MAGI1: variants seen among roughly 807,000 people sequenced by gnomAD.
The protein encoded by MAGI1 is membrane-associated guanylate kinase, WW and PDZ domain-containing protein 1.
In MAGI1, 58 loss-of-function variants were observed where a neutral mutation model predicts 139.9. The observed-to-expected ratio is 0.41, with a 90% CI of 0.34 to 0.52. The LOEUF is 0.52. MAGI1 is among the 20% of genes least tolerant of loss of function. The pLI, the probability that MAGI1 is intolerant of heterozygous loss-of-function variation, is 0.12. For synonymous variants in MAGI1, 812 were observed against 737.9 expected, an observed-to-expected ratio of 1.10 and a Z score of -1.63; for missense variants, 1,874 against 1,901.6, an observed-to-expected ratio of 0.99 and a Z score of 0.27.
chr3:65,379,161 C>A, intron 17 of MAGI1, 100 bp downstream of exon 17: 1 of 1,581,688 alleles, frequency 6.3e-7, no homozygotes, highest in Non-Finnish European at 8.6e-7. Context: ...AGCTATAAAG[C>A]ATTTCTGCAC....
chr3:65,515,187 A>T (rs2077804461), intron 2 of MAGI1, among the ~76,000 whole-genome samples: 2 of 142,528 alleles, frequency 1.4e-5, no homozygotes, highest in Non-Finnish European at 3.0e-5. Context: ...GAGGGATAGC[A>T]TTGGGAGATA....
chr3:65,997,059 T>C (rs2066487714), intron 1 of MAGI1, among the ~76,000 whole-genome samples: 1 of 152,242 alleles, frequency 6.6e-6, no homozygotes, highest in African/African-American at 2.4e-5. Flanking sequence ...TATATGGTTC[T>C]TTAGATTTTC....
At chr3:65,843,368 A>G (rs970086628) in intron 1 of MAGI1, among the ~76,000 whole-genome samples, 1 of 152,150 alleles carries the variant, frequency 6.6e-6, no homozygotes, top group African/African-American at 2.4e-5. Context: ...CTGCAGCCCA[A>G]CTGACAGTCT....
chr3:65,764,694 T>G (rs941567382), intron 1 of MAGI1, among the ~76,000 whole-genome samples: 3 of 152,194 alleles, frequency 2.0e-5, no homozygotes, highest in African/African-American at 7.2e-5. Flanking sequence ...CCTTTTTCTT[T>G]TTCTTTTTTT....
In MAGI1 at chr3:65,381,857, GGAAT is replaced by G. The variant is rs1323737599; in HGVS notation, c.2701+16_2701+19del. 4 of 1,591,946 alleles carry G rather than the reference GGAAT, an allele frequency of 2.5e-6. No homozygotes were observed. The highest frequency in any genetic ancestry group is 1.2e-5 in the South Asian group (1 of 86,588). On this transcript the variant is annotated intron_variant, in intron 16 of 22. Transcript: ENST00000402939. ...ATAAAGTGACAACGCACTGTCTGAA[GGAAT>G]GAATGAAATACATACCCGCAAAAAC... is the stretch of plus-strand genomic sequence containing the variant.
chr3:65,538,917 A>C (rs567472173), intron 2 of MAGI1, among the ~76,000 whole-genome samples: 1 of 152,196 alleles, frequency 6.6e-6, no homozygotes, highest in Admixed American at 6.5e-5. Flanking sequence ...GGCAAACAGA[A>C]ACACATACCA....
At chr3:65,645,924 A>G (rs1203329515) in intron 1 of MAGI1, among the ~76,000 whole-genome samples, 1 of 152,112 alleles carries the variant, frequency 6.6e-6, no homozygotes, top group East Asian at 1.9e-4. Context: ...CAAAAACATT[A>G]TAGATAAATC....
intron 1 of MAGI1, among the ~76,000 whole-genome samples, chr3:65,920,820 G>A (rs1255968142): frequency 6.6e-6 from 1 of 152,140 alleles, no homozygotes; most frequent in Non-Finnish European, 1.5e-5. Context: ...CACGAGGTCA[G>A]GGGTTCAAGA....
At chr3:65,558,735 C>A (rs1010698045) in intron 2 of MAGI1, among the ~76,000 whole-genome samples, 1 of 151,994 alleles carries the variant, frequency 6.6e-6, no homozygotes, top group Admixed American at 6.6e-5. Flanking sequence ...CCTGATCTAC[C>A]GAATCAGAAT....
intron 1 of MAGI1, among the ~76,000 whole-genome samples, chr3:65,994,137 G>A (rs917462358): frequency 6.6e-5 from 10 of 151,966 alleles, no homozygotes; most frequent in Non-Finnish European, 5.9e-5. Context: ...AGCCAGGCGT[G>A]GTGGTGGGTG....
At chr3:65,824,167 C>A (rs1874320) in intron 1 of MAGI1, among the ~76,000 whole-genome samples, 92,604 of 152,052 alleles carry the variant, frequency 0.61, 28,698 homozygotes, top group East Asian at 0.93. Context: ...TATTTTGCCA[C>A]GTCACCCATG....
intron 2 of MAGI1, among the ~76,000 whole-genome samples, chr3:65,511,347 GAC>G (rs2077579583): frequency 6.8e-6 from 1 of 147,774 alleles, no homozygotes; most frequent in Non-Finnish European, 1.5e-5. Context: ...CCAATTAAAA[GAC>G]ACAGACTGGC....
intron 1 of MAGI1, among the ~76,000 whole-genome samples, chr3:65,885,796 T>C (rs2060508604): frequency 1.3e-5 from 2 of 152,184 alleles, no homozygotes; most frequent in African/African-American, 4.8e-5. Flanking sequence ...CCTTTATAAA[T>C]TACCCAGTCT....
intron 1 of MAGI1, among the ~76,000 whole-genome samples, chr3:65,911,516 T>G: frequency 6.6e-6 from 1 of 152,122 alleles, no homozygotes; most frequent in East Asian, 1.9e-4. Flanking sequence ...TATTTTCTGC[T>G]TAGGGTGGAT....
chr3:65,580,097 TA>T (rs1427218785), intron 2 of MAGI1, among the ~76,000 whole-genome samples: 2 of 152,088 alleles, frequency 1.3e-5, no homozygotes, highest in Admixed American at 1.3e-4. Flanking sequence ...GAACAAGTTT[TA>T]AAAAGAAAAA....
chr3:65,445,623 G>A (rs1434566850), intron 7 of MAGI1, among the ~76,000 whole-genome samples: 1 of 152,108 alleles, frequency 6.6e-6, no homozygotes, highest in Non-Finnish European at 1.5e-5. Context: ...TCCCCTAGTT[G>A]GTTTCACCAC....
At chr3:65,524,049 G>A (rs2078278194) in intron 2 of MAGI1, among the ~76,000 whole-genome samples, 1 of 152,112 alleles carries the variant, frequency 6.6e-6, no homozygotes, top group African/African-American at 2.4e-5. Context: ...GAAAGGGAAG[G>A]AAAGCAAGAA....
chr3:65,438,806 T>C (rs186352512), intron 9 of MAGI1, among the ~76,000 whole-genome samples: 75 of 152,350 alleles, frequency 4.9e-4, no homozygotes, highest in African/African-American at 1.8e-3. Flanking sequence ...TAAAGTTTTA[T>C]TTGAACACAG....
At chr3:65,570,272 TTA>T (rs1189527191) in intron 2 of MAGI1, among the ~76,000 whole-genome samples, 2 of 151,798 alleles carry the variant, frequency 1.3e-5, no homozygotes, top group African/African-American at 4.8e-5. Flanking sequence ...CAGCTAATTT[TTA>T]TGTTTTTAGT....
Sources: gnomAD v4.1 joint callset for allele counts (sites outside exome capture counted in the v4.1 genomes callset) on GRCh38, gnomAD v4.1.1 for gene constraint, MANE v1.5 for transcripts, NCBI Gene and HGNC (gene_info 2026-07-23, HGNC 2026-07-21) for gene names.